MUSK: variants seen among roughly 807,000 people sequenced by gnomAD.
MUSK encodes the protein muscle associated receptor tyrosine kinase.
Under a neutral mutation model 88.7 loss-of-function variants are expected in MUSK, and 55 were observed. That is an observed-to-expected ratio of 0.62 (90% CI 0.50 to 0.78). The LOEUF is 0.78. Among genes scored for constraint, MUSK ranks in the 30% least tolerant of loss-of-function variants. MUSK has a pLI of 0.00. For synonymous variants in MUSK, 387 were observed against 391.9 expected (o/e 0.99, Z 0.15); for missense variants, 1,015 against 1,074.3 (o/e 0.94, Z 0.77).
In MUSK at chr9:110,801,215, A is replaced by G; in HGVS notation, c.*227A>G. On this transcript the variant is annotated 3_prime_UTR_variant, in exon 15 of 15. Transcript: ENST00000374448. ...ACACAGGCTAGGAAATGTGTCAGAT[A>G]ATGGAGACAACTATTCTTCTTCATG... 1 of 422,656 alleles carries G rather than the reference A, an allele frequency of 2.4e-6. No homozygotes were observed. The allele number at this position is 422,656 out of a possible 1,614,324, so 26.2% of individuals were successfully genotyped here. A position where few individuals can be genotyped will look rare whatever the true frequency, so the allele number is the denominator to read the frequency against.
At chr9:110,689,935 T>TAAATATATATTTAAATATAATATAA (rs1564218581) in intron 3 of MUSK, among the ~76,000 whole-genome samples, 2 of 95,656 alleles carry the variant, frequency 2.1e-5, no homozygotes, top group African/African-American at 4.5e-5. Context: ...ATATAATATA[T>TAAATATATATTTAAATATAATATAA]AAATATATAT....
intron 9 of MUSK, among the ~76,000 whole-genome samples, chr9:110,774,116 T>C (rs1350317441): frequency 6.6e-6 from 1 of 152,210 alleles, no homozygotes; most frequent in Non-Finnish European, 1.5e-5. Flanking sequence ...TTGAACTTCT[T>C]ACTTGCTCCA....
Position 110,800,294 on chromosome 9 carries a change from T to C in MUSK, c.1928-12T>C, listed in dbSNP as rs529586657. The C allele has an allele frequency of 6.3e-7, 1 of 1,591,450 alleles. No homozygotes were observed. Among genetic ancestry groups the C allele is most frequent in the South Asian group, 1.1e-5 (1 of 88,608 alleles). On this transcript the variant is annotated splice_polypyrimidine_tract_variant and intron_variant, in intron 14 of 14. Coordinates refer to ENST00000374448, the MANE Select transcript of MUSK (RefSeq NM_005592.4). Reference sequence around the variant, plus strand: ...GAAACTGAGACTAACAGGGATGGTCTTTTGGTTCCAGGAGTGTGTGCTGTC... The same window carrying C: ...GAAACTGAGACTAACAGGGATGGTCCTTTGGTTCCAGGAGTGTGTGCTGTC...
intron 14 of MUSK, among the ~76,000 whole-genome samples, chr9:110,796,933 A>G (rs2078002770): frequency 3.4e-5 from 1 of 29,252 alleles, no homozygotes; most frequent in East Asian, 6.0e-4. Flanking sequence ...ACATGGACAC[A>G]GGAAGGGGAA....
intron 1 of MUSK, among the ~76,000 whole-genome samples, chr9:110,678,897 T>C (rs1029747383): frequency 2.6e-5 from 4 of 151,846 alleles, no homozygotes; most frequent in Admixed American, 2.6e-4. Context: ...TGGGATTTTT[T>C]GTTTTTTTGC....
At chr9:110,755,366 T>C (rs2077297350) in intron 7 of MUSK, among the ~76,000 whole-genome samples, 1 of 152,190 alleles carries the variant, frequency 6.6e-6, no homozygotes, top group African/African-American at 2.4e-5. Flanking sequence ...GCAGAACAAC[T>C]ATGAATCACT....
intron 9 of MUSK, among the ~76,000 whole-genome samples, chr9:110,772,410 T>G (rs2077590521): frequency 6.6e-6 from 1 of 151,866 alleles, no homozygotes; most frequent in Non-Finnish European, 1.5e-5. Flanking sequence ...TTAAATTTTT[T>G]TTCTAATTCC....
intron 5 of MUSK, among the ~76,000 whole-genome samples, chr9:110,732,752 T>C (rs893361466): frequency 6.6e-6 from 1 of 152,118 alleles, no homozygotes; most frequent in African/African-American, 2.4e-5. Context: ...TTTTTAATAA[T>C]CTCTTTTTGC....
At chr9:110,697,266 C>T in intron 4 of MUSK, 59 bp from the exon 5 acceptor site, 1 of 1,569,568 alleles carries the variant, frequency 6.4e-7, no homozygotes, top group Non-Finnish European at 8.7e-7. Context: ...TGATATTTGG[C>T]AAATGTATCC....
chr9:110,800,411 TCA>T lies in MUSK; in HGVS notation c.2034_2035del (p.His680GlnfsTer2). ...ATGTCCCCTCACACCGTGTGCAGCC[TCA>T]GTCACAGTGACTTGTCTATGAGGGC... On this transcript the variant is annotated frameshift_variant, in exon 15 of 15. Transcript: ENST00000374448. LOFTEE classifies it high-confidence loss of function. 3 of 1,613,884 alleles carry T rather than the reference TCA, an allele frequency of 1.9e-6. No individual in the cohort carries two copies. In the South Asian group the frequency reaches 3.3e-5, roughly 18 times the overall value.
At chr9:110,713,262 CTTTTTTT>C (rs67227503) in intron 5 of MUSK, among the ~76,000 whole-genome samples, 1 of 137,636 alleles carries the variant, frequency 7.3e-6, no homozygotes, top group African/African-American at 2.7e-5. Flanking sequence ...ACCTTTTTTT[CTTTTTTT>C]TTTTTTTTGA....
chr9:110,797,839 A>G (rs2821143), intron 14 of MUSK, among the ~76,000 whole-genome samples: 92,507 of 152,010 alleles, frequency 0.61, 28,643 homozygotes, highest in Middle Eastern at 0.68. Flanking sequence ...ATTATCAAGC[A>G]ATTCCTGTTT....
chr9:110,801,303 G>A lies in MUSK; in HGVS notation c.*315G>A, dbSNP rs184078934. On this transcript the variant is annotated 3_prime_UTR_variant, in exon 15 of 15. Transcript: ENST00000374448. ...TCCTGTTCAGTTTCCAAAGTAGCTG[G>A]TCACAGAGTAAAGCTCTGCTGTATT... The A allele has an allele frequency of 3.1e-5, 7 of 222,716 alleles. No individual in the cohort carries two copies. The highest frequency in any genetic ancestry group is 2.1e-4 in the Admixed American group (4 of 18,990). 13.8% of individuals were successfully genotyped at this position (222,716 alleles called of 1,614,324 possible).
chr9:110,689,728 A>AAATATAT (rs1564217925), intron 3 of MUSK, among the ~76,000 whole-genome samples: 1 of 77,334 alleles, frequency 1.3e-5, no homozygotes, highest in Non-Finnish European at 2.1e-5. Context: ...TGTTATATAT[A>AAATATAT]GTTTATATAT....
chr9:110,706,749 A>G (rs1329587369), intron 5 of MUSK, among the ~76,000 whole-genome samples: 2 of 152,190 alleles, frequency 1.3e-5, no homozygotes, highest in Non-Finnish European at 2.9e-5. Context: ...CACACCTGTC[A>G]TCTCGGCACT....
chr9:110,707,238 C>A (rs1038420712), intron 5 of MUSK, among the ~76,000 whole-genome samples: 2 of 152,074 alleles, frequency 1.3e-5, no homozygotes, highest in African/African-American at 4.8e-5. Context: ...CCATACAAAT[C>A]AAATCTTTTA....
chr9:110,711,440 A>G (rs2076670144), intron 5 of MUSK, among the ~76,000 whole-genome samples: 1 of 152,190 alleles, frequency 6.6e-6, no homozygotes, highest in Admixed American at 6.5e-5. Context: ...TACAAGGTCC[A>G]GCCTTGCAGG....
intron 9 of MUSK, among the ~76,000 whole-genome samples, chr9:110,774,945 G>A (rs1306970789): frequency 6.6e-6 from 1 of 151,748 alleles, no homozygotes; most frequent in Non-Finnish European, 1.5e-5. Context: ...AAGGACATCT[G>A]CTATTATTAT....
chr9:110,798,342 T>C (rs910649004), intron 14 of MUSK, among the ~76,000 whole-genome samples: 3 of 152,220 alleles, frequency 2.0e-5, no homozygotes, highest in Non-Finnish European at 4.4e-5. Flanking sequence ...TAGTGGATAA[T>C]GGTTTTGTAG....
Sources: gnomAD v4.1 joint callset for allele counts (sites outside exome capture counted in the v4.1 genomes callset) on GRCh38, gnomAD v4.1.1 for gene constraint, MANE v1.5 for transcripts, NCBI Gene and HGNC (gene_info 2026-07-23, HGNC 2026-07-21) for gene names.